CLSTN2: variants seen among roughly 807,000 people sequenced by gnomAD.
CLSTN2 encodes the protein calsyntenin 2.
A neutral mutation model predicts 101.2 loss-of-function variants in CLSTN2; 48 were observed. That is an observed-to-expected ratio of 0.47 (90% confidence interval 0.38 to 0.60). The LOEUF is 0.60. Among genes scored for constraint, CLSTN2 ranks in the 20% least tolerant of loss-of-function variants. The pLI, the probability that CLSTN2 is intolerant of heterozygous loss-of-function variation, is 0.00. For missense variants in CLSTN2, 1,160 were observed against 1,238.2 expected, an observed-to-expected ratio of 0.94 and a Z score of 0.95; for synonymous variants, 481 against 463.6, an observed-to-expected ratio of 1.04 and a Z score of -0.48.
chr3:140,123,848 G>T (rs2009385838), intron 1 of CLSTN2, among the ~76,000 whole-genome samples: 1 of 74,142 alleles, frequency 1.3e-5, no homozygotes, highest in Non-Finnish European at 2.8e-5. Flanking sequence ...ATATGTGTGT[G>T]TGTATATATA....
At position 140,567,771 on chromosome 3, in the gene CLSTN2, T is replaced by C. The variant is rs534288719; in HGVS notation, c.*1518T>C. The C allele has an allele frequency of 6.6e-6, 1 of 152,366 alleles. No individual in the cohort carries two copies. The highest frequency in any genetic ancestry group is 1.9e-4 in the East Asian group (1 of 5,186). 9.4% of individuals were successfully genotyped at this position (152,366 alleles called of 1,614,324 possible). A position where few individuals can be genotyped will look rare whatever the true frequency, so the allele number is the denominator to read the frequency against. On this transcript the variant is annotated 3_prime_UTR_variant, in exon 17 of 17. Coordinates refer to ENST00000458420, the MANE Select transcript of CLSTN2 (RefSeq NM_022131.3). The stretch of plus-strand genomic sequence containing the variant: ...GCACAGGCACAGAGCTGGTCCCTAG[T>C]TAAGTGGCATTTATGTTAAAAAAAA...
intron 1 of CLSTN2, among the ~76,000 whole-genome samples, chr3:140,046,366 G>T (rs1257122775): frequency 6.6e-6 from 1 of 152,042 alleles, no homozygotes; most frequent in Non-Finnish European, 1.5e-5. Flanking sequence ...CATTTGCTTG[G>T]TGGATCTTCC....
At position 140,151,539 on chromosome 3, in the gene CLSTN2, A is replaced by T. The variant is rs114391982; in HGVS notation, c.110-24412A>T. Among the ~76,000 whole-genome samples the T allele has an allele frequency of 9.5e-4, 145 of 152,188 alleles. 2 individuals carry two copies. Among genetic ancestry groups the T allele is most frequent in the South Asian group, 5.2e-3 (25 of 4,810 alleles). On this transcript the variant is annotated intron_variant, in intron 1 of 16. Coordinates refer to ENST00000458420, the MANE Select transcript of CLSTN2 (RefSeq NM_022131.3). ...GTGACGGGAGTTGCTGGAAGGGTGT[A>T]ATCAGGGAGGTGGCTTGATCTGGTC... is the stretch of plus-strand genomic sequence containing the variant.
chr3:140,325,215 G>A (rs1017857285), intron 2 of CLSTN2, among the ~76,000 whole-genome samples: 16 of 152,156 alleles, frequency 1.1e-4, no homozygotes, highest in African/African-American at 3.9e-4. Flanking sequence ...AAAGTTCTAA[G>A]GATGCCTCCA....
intron 8 of CLSTN2, among the ~76,000 whole-genome samples, chr3:140,480,200 G>GT (rs1343008124): frequency 1.3e-5 from 2 of 151,842 alleles, no homozygotes; most frequent in African/African-American, 2.4e-5. Context: ...GCAGTGTTTG[G>GT]TTTTTTCTCC....
At chr3:140,240,134 T>TTCTCTATCTCTCTCTC (rs2086447888) in intron 2 of CLSTN2, among the ~76,000 whole-genome samples, 1 of 20,500 alleles carries the variant, frequency 4.9e-5, no homozygotes, top group South Asian at 3.3e-3. Context: ...TGCACCTGGT[T>TTCTCTATCTCTCTCTC]TCTCTCTCTC....
chr3:140,007,336 CAG>C (rs1371709684), intron 1 of CLSTN2, among the ~76,000 whole-genome samples: 11 of 152,212 alleles, frequency 7.2e-5, no homozygotes, highest in Non-Finnish European at 1.2e-4. Flanking sequence ...GGTGTGGAAA[CAG>C]GGCCTGGGGG....
intron 1 of CLSTN2, among the ~76,000 whole-genome samples, chr3:140,016,119 A>G (rs1423372782): frequency 6.6e-6 from 1 of 152,188 alleles, no homozygotes; most frequent in Non-Finnish European, 1.5e-5. Context: ...GGGTAGTGGC[A>G]TGTGCAGAGG....
intron 1 of CLSTN2, among the ~76,000 whole-genome samples, chr3:140,010,352 C>T (rs987662577): frequency 1.3e-4 from 20 of 152,120 alleles, no homozygotes; most frequent in African/African-American, 4.8e-4. Context: ...CTGAAAATTC[C>T]AGAGGTAGAG....
chr3:140,194,174 A>C (rs935567330), intron 2 of CLSTN2, among the ~76,000 whole-genome samples: 1 of 152,142 alleles, frequency 6.6e-6, no homozygotes, highest in Non-Finnish European at 1.5e-5. Flanking sequence ...AAACAACAGA[A>C]ATTTATTTTT....
chr3:140,277,792 T>C (rs956722483), intron 2 of CLSTN2, among the ~76,000 whole-genome samples: 2 of 152,176 alleles, frequency 1.3e-5, no homozygotes, highest in African/African-American at 2.4e-5. Flanking sequence ...CACAGTCTTA[T>C]TATTCACCTC....
At chr3:140,421,414 T>A (rs2088504767) in intron 5 of CLSTN2, 140 bp downstream of exon 5, 1 of 1,009,520 alleles carries the variant, frequency 9.9e-7, no homozygotes. Flanking sequence ...AGCTTGCTTA[T>A]TCTCACAACT....
intron 1 of CLSTN2, among the ~76,000 whole-genome samples, chr3:140,112,523 G>A (rs1560098371): frequency 6.6e-6 from 1 of 152,156 alleles, no homozygotes. Context: ...AGACAGCCGT[G>A]CACCTGGACA....
rs138360194 is a variant in CLSTN2 at position 140,253,773 on chromosome 3, A to AT, written c.232+77710dup. Among the ~76,000 whole-genome samples, 1,339 of 149,306 alleles carry AT rather than the reference A, an allele frequency of 9.0e-3. 21 individuals are homozygous for AT. The highest frequency in any genetic ancestry group is 0.031 in the African/African-American group (1,263 of 40,696). On this transcript the variant is annotated intron_variant, in intron 2 of 16. Coordinates refer to ENST00000458420, the MANE Select transcript of CLSTN2 (RefSeq NM_022131.3). ...CCACCAAAGGGTTTCGGTCTTTTTT[A>AT]TTTTTTTTTTCTCTTACAGTTACAG...
chr3:140,056,861 G>A (rs1351616139), intron 1 of CLSTN2, among the ~76,000 whole-genome samples: 3 of 152,206 alleles, frequency 2.0e-5, no homozygotes, highest in African/African-American at 7.2e-5. Context: ...TTACTTAAAT[G>A]CTATCATTTT....
At chr3:140,292,080 T>C (rs2086959716) in intron 2 of CLSTN2, among the ~76,000 whole-genome samples, 1 of 152,148 alleles carries the variant, frequency 6.6e-6, no homozygotes, top group Non-Finnish European at 1.5e-5. Flanking sequence ...ACTTTCAATG[T>C]CTTTACAGTA....
intron 2 of CLSTN2, among the ~76,000 whole-genome samples, chr3:140,317,344 T>C (rs138245553): frequency 1.3e-3 from 195 of 152,302 alleles, no homozygotes; most frequent in Non-Finnish European, 2.0e-3. Flanking sequence ...AGCTTCCTGA[T>C]GCAACCTCAG....
At chr3:140,403,543 A>G in intron 2 of CLSTN2, 86 bp from the exon 3 acceptor site, 1 of 1,136,396 alleles carries the variant, frequency 8.8e-7, no homozygotes, top group Middle Eastern at 2.4e-4. Flanking sequence ...GGAGGCTTTG[A>G]GTTTGTGAAT....
chr3:140,101,453 C>T (rs1234108853), intron 1 of CLSTN2, among the ~76,000 whole-genome samples: 1 of 152,236 alleles, frequency 6.6e-6, no homozygotes, highest in Non-Finnish European at 1.5e-5. Flanking sequence ...ACTGAAGTCG[C>T]TCCCAGGTTG....
Sources: gnomAD v4.1 joint callset for allele counts (sites outside exome capture counted in the v4.1 genomes callset) on GRCh38, gnomAD v4.1.1 for gene constraint, MANE v1.5 for transcripts, NCBI Gene and HGNC (gene_info 2026-07-23, HGNC 2026-07-21) for gene names.